CADPS: variants seen among roughly 807,000 people sequenced by gnomAD.
CADPS encodes calcium dependent secretion activator.
Under a neutral mutation model 167.3 loss-of-function variants are expected in CADPS, and 57 were observed. That is an observed-to-expected ratio of 0.34 (90% confidence interval 0.28 to 0.42). The LOEUF (loss-of-function observed/expected upper bound fraction) is 0.42, where lower values mean the gene tolerates loss of function less well. Ranked by LOEUF, CADPS falls within the 20% of genes least tolerant of loss-of-function variation. The pLI, the probability that CADPS is intolerant of heterozygous loss-of-function variation, is 1.00. For synonymous variants in CADPS, 676 were observed against 635.3 expected, an observed-to-expected ratio of 1.06 and a Z score of -0.96; for missense variants, 1,414 against 1,738.1, an observed-to-expected ratio of 0.81 and a Z score of 3.32.
intron 23 of CADPS, chr3:62,477,858 T>C (rs1382105152): frequency 1.7e-5 from 3 of 178,572 alleles, no homozygotes; most frequent in African/African-American, 2.3e-5. Context: ...CTAGCCATAC[T>C]GGATACGCCA....
intron 27 of CADPS, among the ~76,000 whole-genome samples, chr3:62,441,340 T>G (rs1337046519): frequency 6.6e-6 from 1 of 152,218 alleles, no homozygotes; most frequent in Admixed American, 6.5e-5. Context: ...TAAGCTACCC[T>G]GTGGCTCAGA....
At chr3:62,618,609 T>A (rs928878937) in intron 6 of CADPS, among the ~76,000 whole-genome samples, 1 of 152,204 alleles carries the variant, frequency 6.6e-6, no homozygotes, top group Non-Finnish European at 1.5e-5. Flanking sequence ...TTCATTTGCT[T>A]CTTCCCATCT....
intron 27 of CADPS, chr3:62,440,676 A>C (rs2056145481): frequency 6.6e-6 from 1 of 152,144 alleles, no homozygotes; most frequent in Admixed American, 6.5e-5. Context: ...ACTCCCAACC[A>C]ATTCCAACAA....
chr3:62,512,049 A>T (rs767628196), intron 17 of CADPS, among the ~76,000 whole-genome samples: 21 of 152,172 alleles, frequency 1.4e-4, no homozygotes, highest in Non-Finnish European at 2.6e-4. Context: ...ATGTTTTGAA[A>T]TGTGCTCAAC....
At chr3:62,815,602 A>G (rs1315884112) in intron 1 of CADPS, among the ~76,000 whole-genome samples, 1 of 152,154 alleles carries the variant, frequency 6.6e-6, no homozygotes, top group African/African-American at 2.4e-5. Context: ...ACACATGAGA[A>G]AGGCAGAAGC....
intron 3 of CADPS, among the ~76,000 whole-genome samples, chr3:62,714,751 A>G (rs926153512): frequency 2.0e-5 from 3 of 152,204 alleles, no homozygotes; most frequent in African/African-American, 4.8e-5. Flanking sequence ...TGTCATTTTA[A>G]TATTATTGAT....
chr3:62,494,189 C>G (rs572451108), intron 18 of CADPS, among the ~76,000 whole-genome samples: 1 of 152,168 alleles, frequency 6.6e-6, no homozygotes, highest in South Asian at 2.1e-4. Flanking sequence ...TGGGTCTGAA[C>G]CGATGAGGTT....
intron 6 of CADPS, among the ~76,000 whole-genome samples, chr3:62,596,702 C>T (rs913974590): frequency 3.7e-4 from 56 of 152,194 alleles, no homozygotes; most frequent in Non-Finnish European, 7.9e-4. Flanking sequence ...GTCCCCTTAT[C>T]TTGCTGTACT....
chr3:62,776,954 C>T (rs532861808), intron 1 of CADPS, among the ~76,000 whole-genome samples: 24 of 152,242 alleles, frequency 1.6e-4, no homozygotes, highest in African/African-American at 5.8e-4. Flanking sequence ...CAGCAAGAAT[C>T]TCTTTTGTCA....
At chr3:62,774,262 G>A (rs945442090) in intron 1 of CADPS, among the ~76,000 whole-genome samples, 10 of 151,624 alleles carry the variant, frequency 6.6e-5, no homozygotes, top group Non-Finnish European at 1.3e-4. Flanking sequence ...TAGGACAAAT[G>A]TTCCACCCTT....
At chr3:62,757,988 C>G (rs893025340) in intron 2 of CADPS, among the ~76,000 whole-genome samples, 2 of 152,184 alleles carry the variant, frequency 1.3e-5, no homozygotes, top group African/African-American at 2.4e-5. Context: ...ACTGGGTACC[C>G]CCATGACACG....
chr3:62,713,285 T>C (rs1365710121), intron 3 of CADPS, among the ~76,000 whole-genome samples: 2 of 152,180 alleles, frequency 1.3e-5, no homozygotes, highest in Admixed American at 6.5e-5. Flanking sequence ...GACCTCTTCC[T>C]CACTGTATTT....
intron 1 of CADPS, among the ~76,000 whole-genome samples, chr3:62,818,983 A>G (rs2094760580): frequency 6.9e-6 from 1 of 145,288 alleles, no homozygotes; most frequent in Non-Finnish European, 1.5e-5. Context: ...ACTAATGTTT[A>G]GTAAGAGATA....
chr3:62,864,729 C>A (rs2081376739), intron 1 of CADPS, among the ~76,000 whole-genome samples: 1 of 152,050 alleles, frequency 6.6e-6, no homozygotes, highest in Admixed American at 6.6e-5. Flanking sequence ...TATTCTGAGG[C>A]AGTGGGGGTT....
intron 1 of CADPS, among the ~76,000 whole-genome samples, chr3:62,770,773 C>T (rs890918500): frequency 5.9e-5 from 9 of 152,128 alleles, no homozygotes; most frequent in Non-Finnish European, 8.8e-5. Context: ...AACAAACTTT[C>T]GTATCAAGAT....
intron 9 of CADPS, among the ~76,000 whole-genome samples, chr3:62,558,909 A>C (rs916954927): frequency 1.4e-4 from 21 of 152,322 alleles, no homozygotes; most frequent in South Asian, 1.0e-3. Flanking sequence ...TTTTGTAATA[A>C]ACAAAGTAAT....
rs768228836 is a variant in CADPS at position 62,481,758 on chromosome 3, C to T, written c.3138G>A (p.Ser1046=). Residue 1046 remains serine (S), a synonymous_variant, in exon 22 of 30, where the codon TCG becomes TCA. Coordinates refer to ENST00000383710, the MANE Select transcript of CADPS (RefSeq NM_003716.4). The stretch of plus-strand genomic sequence containing the variant: ...ATATAGCAGCCATCCATGACGGTGC[C>T]GAAAAAGTAGGCATTTGTGGGATGC... ...PLGIPQMPTF[S]APSWMAAIYD... is the part of the protein sequence containing the mutation. The T allele has an allele frequency of 1.6e-5, 26 of 1,608,540 alleles. No homozygotes were observed. The highest frequency in any genetic ancestry group is 2.0e-5 in the Non-Finnish European group (24 of 1,178,332).
intron 1 of CADPS, among the ~76,000 whole-genome samples, chr3:62,845,717 T>G (rs754244270): frequency 3.9e-5 from 6 of 152,224 alleles, no homozygotes; most frequent in Non-Finnish European, 7.3e-5. Context: ...CACTATCATC[T>G]ATCTCTTCCT....
chr3:62,639,327 C>G (rs186669117), intron 6 of CADPS, among the ~76,000 whole-genome samples: 3 of 152,164 alleles, frequency 2.0e-5, no homozygotes, highest in African/African-American at 7.2e-5. Context: ...GTTCTCGCTA[C>G]ATAATGTCTC....
Sources: allele counts gnomAD v4.1 joint callset (sites outside exome capture counted in the v4.1 genomes callset), GRCh38; gene constraint gnomAD v4.1.1; transcripts MANE v1.5; gene names NCBI Gene and HGNC (gene_info 2026-07-23, HGNC 2026-07-21).